GPC5: variants seen among roughly 807,000 people sequenced by gnomAD.
The protein encoded by GPC5 is glypican 5, also known as glypican-5.
Under a neutral mutation model 53.9 loss-of-function variants are expected in GPC5, and 47 were observed. The ratio of observed to expected loss-of-function variants is 0.87; its 90% confidence interval spans 0.69 to 1.11. The LOEUF is 1.11. Ranked by LOEUF, GPC5 falls within the 50% of genes most tolerant of loss-of-function variation. The probability of loss-of-function intolerance (pLI) is 0.00; values close to 1 mark genes in which losing one functional copy is unlikely to be tolerated. For synonymous variants in GPC5, 286 were observed against 263.3 expected (o/e 1.09, Z -0.84); for missense variants, 748 against 713.1 (o/e 1.05, Z -0.56).
intron 6 of GPC5, among the ~76,000 whole-genome samples, chr13:92,052,779 C>G (rs2041041112): frequency 6.6e-6 from 1 of 152,106 alleles, no homozygotes; most frequent in Non-Finnish European, 1.5e-5. Context: ...TAGAAAGAGC[C>G]AAGTTATACA....
At chr13:92,039,512 G>C (rs1430323699) in intron 6 of GPC5, among the ~76,000 whole-genome samples, 1 of 152,182 alleles carries the variant, frequency 6.6e-6, no homozygotes, top group African/African-American at 2.4e-5. Flanking sequence ...AGCAAGTAAG[G>C]AAATATTAGT....
intron 7 of GPC5, among the ~76,000 whole-genome samples, chr13:92,388,954 C>T (rs979487488): frequency 3.3e-5 from 5 of 151,996 alleles, no homozygotes; most frequent in African/African-American, 1.2e-4. Flanking sequence ...CCAGAGTAAC[C>T]TTGTCTGATG....
At chr13:91,822,263 A>AAGAC (rs1262772417) in intron 5 of GPC5, among the ~76,000 whole-genome samples, 6 of 152,170 alleles carry the variant, frequency 3.9e-5, no homozygotes, top group East Asian at 1.9e-4. Context: ...TTGTCAGAAA[A>AAGAC]AGACAGACAG....
intron 5 of GPC5, among the ~76,000 whole-genome samples, chr13:91,819,260 A>G (rs2038452836): frequency 7.1e-6 from 1 of 141,808 alleles, no homozygotes; most frequent in African/African-American, 2.6e-5. Flanking sequence ...CCCAGGTTCA[A>G]GTGATTCTCC....
At chr13:92,054,473 A>T (rs1051524559) in intron 6 of GPC5, among the ~76,000 whole-genome samples, 4 of 152,092 alleles carry the variant, frequency 2.6e-5, no homozygotes, top group Non-Finnish European at 4.4e-5. Context: ...ATATTAATTT[A>T]CTTAGAACTC....
rs1566567682 is a variant in GPC5 at position 92,385,487 on chromosome 13, C to CATACATATACATATATGCATATAT, written c.1561+240499_1561+240500insTACATATACATATATGCATATATA. On this transcript the variant is annotated intron_variant, in intron 7 of 7. Coordinates refer to ENST00000377067, the MANE Select transcript of GPC5 (RefSeq NM_004466.6). The stretch of plus-strand genomic sequence containing the variant: ...ACATATATACATATATACATATATA[C>CATACATATACATATATGCATATAT]ACATATATACATACATATACATATA... Among the ~76,000 whole-genome samples, 3 of 55,470 alleles carry CATACATATACATATATGCATATAT rather than the reference C, an allele frequency of 5.4e-5. 1 individual carries two copies. Among genetic ancestry groups the CATACATATACATATATGCATATAT allele is most frequent in the African/African-American group, 2.8e-4 (3 of 10,554 alleles). The allele number at this position is 55,470 out of a possible 152,430, so 36.4% of individuals were successfully genotyped here.
chr13:92,271,617 G>A (rs144306812), intron 7 of GPC5, among the ~76,000 whole-genome samples: 71 of 152,244 alleles, frequency 4.7e-4, no homozygotes, highest in South Asian at 1.2e-3. Context: ...TAATAGGCAC[G>A]TTTAGTAAGG....
chr13:91,421,192 C>A (rs1878605409), intron 1 of GPC5, among the ~76,000 whole-genome samples: 1 of 152,170 alleles, frequency 6.6e-6, no homozygotes, highest in African/African-American at 2.4e-5. Context: ...TCACCTTTTT[C>A]TCTTAGCTTC....
intron 7 of GPC5, among the ~76,000 whole-genome samples, chr13:92,708,861 T>G (rs1277976854): frequency 1.7e-4 from 4 of 23,696 alleles, no homozygotes; most frequent in Non-Finnish European, 3.1e-4. Flanking sequence ...AACCGCCTTT[T>G]TTTTTTTTTT....
chr13:91,698,268 T>G (rs533654189), intron 3 of GPC5, among the ~76,000 whole-genome samples: 74 of 152,328 alleles, frequency 4.9e-4, no homozygotes, highest in African/African-American at 1.7e-3. Context: ...TTCAGCTGGT[T>G]GTACTCAAAT....
chr13:92,424,330 A>G (rs1292189133), intron 7 of GPC5, among the ~76,000 whole-genome samples: 1 of 152,084 alleles, frequency 6.6e-6, no homozygotes, highest in Non-Finnish European at 1.5e-5. Flanking sequence ...TTAAGAGATA[A>G]GTGATTTTAT....
intron 5 of GPC5, among the ~76,000 whole-genome samples, chr13:91,784,939 C>T (rs1249234387): frequency 6.6e-6 from 1 of 152,178 alleles, no homozygotes; most frequent in East Asian, 1.9e-4. Flanking sequence ...TCACCAGTGA[C>T]CTCTGATTGC....
chr13:92,641,894 C>T (rs1002722841), intron 7 of GPC5, among the ~76,000 whole-genome samples: 1 of 151,916 alleles, frequency 6.6e-6, no homozygotes, highest in African/African-American at 2.4e-5. Context: ...TTAATTTTAC[C>T]TTATTTTTTT....
At chr13:91,419,935 A>G (rs1281976943) in intron 1 of GPC5, among the ~76,000 whole-genome samples, 2 of 152,172 alleles carry the variant, frequency 1.3e-5, no homozygotes, top group African/African-American at 4.8e-5. Context: ...TAGTTATGTC[A>G]CAGTTAGACT....
chr13:92,292,456 TG>T (rs1327597487), intron 7 of GPC5, among the ~76,000 whole-genome samples: 1 of 152,234 alleles, frequency 6.6e-6, no homozygotes. Flanking sequence ...TTCTTACATT[TG>T]TTGGCCATTT....
chr13:92,396,270 G>A (rs1875265369), intron 7 of GPC5, among the ~76,000 whole-genome samples: 1 of 152,216 alleles, frequency 6.6e-6, no homozygotes, highest in Non-Finnish European at 1.5e-5. Context: ...GTAAAGCCAT[G>A]AAAGGCATTT....
intron 7 of GPC5, among the ~76,000 whole-genome samples, chr13:92,177,543 A>G (rs1396587321): frequency 2.0e-5 from 3 of 152,126 alleles, no homozygotes; most frequent in Non-Finnish European, 2.9e-5. Context: ...TTATATTCTA[A>G]TAACAGAATA....
intron 5 of GPC5, among the ~76,000 whole-genome samples, chr13:91,861,523 G>C (rs1197379818): frequency 6.6e-6 from 1 of 151,888 alleles, no homozygotes; most frequent in Admixed American, 6.6e-5. Context: ...TGCTGATACA[G>C]CCACACAAGC....
At chr13:91,773,902 C>T (rs1440970344) in intron 5 of GPC5, among the ~76,000 whole-genome samples, 3 of 152,098 alleles carry the variant, frequency 2.0e-5, no homozygotes, top group Admixed American at 2.0e-4. Context: ...GAGCTATTCA[C>T]CAACAAATTT....
Sources: allele counts gnomAD v4.1 joint callset (sites outside exome capture counted in the v4.1 genomes callset), GRCh38; gene constraint gnomAD v4.1.1; transcripts MANE v1.5; gene names NCBI Gene and HGNC (gene_info 2026-07-23, HGNC 2026-07-21).